KSR1: variants seen among roughly 807,000 people sequenced by gnomAD.
KSR1 encodes kinase suppressor of ras.
In KSR1, 35 loss-of-function variants were observed where a neutral mutation model predicts 92.9. That is an observed-to-expected ratio of 0.38 (90% confidence interval 0.29 to 0.50). The LOEUF (loss-of-function observed/expected upper bound fraction) is 0.50. KSR1 is among the 20% of genes least tolerant of loss of function. The pLI is 0.94. For missense variants in KSR1, 972 were observed against 1,158.5 expected (o/e 0.84, Z 2.34); for synonymous variants, 467 against 472.6 (o/e 0.99, Z 0.15).
At chr17:27,622,038 G>A in intron 20 of KSR1, 1 of 1,047,364 alleles carries the variant, frequency 9.5e-7, no homozygotes, top group South Asian at 1.3e-5. Context: ...CACTAACCCA[G>A]GGGATGCCAC....
chr17:27,606,667 C>T lies in KSR1; in HGVS notation c.1994+854C>T, dbSNP rs1426519920. ...TCACTTCCTGTGGTGTAAATACTCT[C>T]ACCATGGTCAATTTCAGACTACCAA... On this transcript the variant is annotated intron_variant, in intron 14 of 20. Transcript: ENST00000644974. Among the ~76,000 whole-genome samples the T allele has an allele frequency of 2.0e-5, 3 of 152,012 alleles. No individual in the cohort carries two copies. In the East Asian group the frequency reaches 5.8e-4, roughly 29 times the overall value.
At chr17:27,466,880 C>T (rs537556224) in intron 1 of KSR1, among the ~76,000 whole-genome samples, 9 of 152,314 alleles carry the variant, frequency 5.9e-5, no homozygotes, top group South Asian at 4.1e-4. Context: ...GGTTCCACCC[C>T]GTTTCATTTT....
intron 1 of KSR1, among the ~76,000 whole-genome samples, chr17:27,488,602 CAGG>C (rs1367749826): frequency 6.6e-6 from 1 of 152,162 alleles, no homozygotes. Context: ...GAGGCCAAGA[CAGG>C]AGGATTGCTT....
chr17:27,599,514 A>G (rs4795786), intron 10 of KSR1, among the ~76,000 whole-genome samples: 22,741 of 152,162 alleles, frequency 0.15, 1,880 homozygotes, highest in Admixed American at 0.23. Context: ...CTGAGATTGC[A>G]CCACTGCACT....
intron 3 of KSR1, among the ~76,000 whole-genome samples, chr17:27,581,142 T>A (rs1037629455): frequency 1.3e-5 from 2 of 151,076 alleles, no homozygotes; most frequent in African/African-American, 4.9e-5. Flanking sequence ...CAAGGGGGAG[T>A]GAGGCGTCCC....
At chr17:27,466,772 G>A (rs1411112681) in intron 1 of KSR1, among the ~76,000 whole-genome samples, 1 of 152,244 alleles carries the variant, frequency 6.6e-6, no homozygotes, top group African/African-American at 2.4e-5. Context: ...GCTCTTTCTG[G>A]CCTCTTGGCC....
At chr17:27,476,346 T>A (rs564938407) in intron 1 of KSR1, among the ~76,000 whole-genome samples, 3 of 152,172 alleles carry the variant, frequency 2.0e-5, no homozygotes, top group African/African-American at 7.2e-5. Flanking sequence ...GTTTCCAGAG[T>A]TGCCACCCCC....
intron 1 of KSR1, among the ~76,000 whole-genome samples, chr17:27,508,766 G>T (rs1001365488): frequency 6.6e-6 from 1 of 150,886 alleles, no homozygotes; most frequent in South Asian, 2.1e-4. Flanking sequence ...GTCTTGCTCT[G>T]TTGCCCAGGC....
At chr17:27,526,514 T>C in intron 1 of KSR1, 1 of 1,604,864 alleles carries the variant, frequency 6.2e-7, no homozygotes, top group South Asian at 1.1e-5. Flanking sequence ...GTTCCTCCTC[T>C]GCCATCTCAC....
In KSR1 at chr17:27,605,662, G is replaced by A. The variant is rs201790077; in HGVS notation, c.1843G>A (p.Ala615Thr). 2.5e-5 allele frequency: 40 copies of A among 1,612,124 alleles called. 1 individual carries two copies. The African/African-American group carries it at 5.2e-4, about 21-fold the overall frequency. The change falls in exon 14 of 21, where the codon GCC becomes ACC. Residue 615 changes from alanine to threonine, a missense_variant. Ala to Thr is a moderately conservative substitution (Grantham distance 58). Coordinates refer to ENST00000644974, the MANE Select transcript of KSR1 (RefSeq NM_001394583.1). ...CCGCGGCCGCTGGCATGGCGAGGTGGCCATTCGCCTGCTGGAGATGGACGG... is the reference window on the plus strand; with the variant it reads ...CCGCGGCCGCTGGCATGGCGAGGTGACCATTCGCCTGCTGGAGATGGACGG... The part of the protein sequence containing the change: ...VHRGRWHGEV[A>T]IRLLEMDGHN...
intron 1 of KSR1, among the ~76,000 whole-genome samples, chr17:27,520,844 C>T (rs1020467775): frequency 2.0e-5 from 3 of 152,262 alleles, no homozygotes; most frequent in African/African-American, 7.2e-5. Context: ...CCAAAAGGGG[C>T]TGAAAGCAGG....
intron 9 of KSR1, among the ~76,000 whole-genome samples, chr17:27,595,776 C>A (rs1211578662): frequency 6.6e-6 from 1 of 151,966 alleles, no homozygotes; most frequent in African/African-American, 2.4e-5. Flanking sequence ...TTTGCTCCCA[C>A]AGGCTCTTGC....
chr17:27,472,143 C>G (rs1323143141), intron 1 of KSR1: 1 of 152,466 alleles, frequency 6.6e-6, no homozygotes, highest in Non-Finnish European at 1.5e-5. Context: ...GGGAAACCCC[C>G]TTCTTACTGA....
chr17:27,557,190 A>G (rs2071632425), intron 2 of KSR1, among the ~76,000 whole-genome samples: 3 of 152,226 alleles, frequency 2.0e-5, no homozygotes. Flanking sequence ...TATTAGAGCT[A>G]GACCCCTCTC....
intron 1 of KSR1, among the ~76,000 whole-genome samples, chr17:27,543,590 A>G (rs941317306): frequency 6.6e-6 from 1 of 152,184 alleles, no homozygotes; most frequent in Non-Finnish European, 1.5e-5. Context: ...CCTCACCACC[A>G]TCCAAGTGAT....
At chr17:27,569,462 C>T (rs905017646) in intron 2 of KSR1, among the ~76,000 whole-genome samples, 1 of 152,204 alleles carries the variant, frequency 6.6e-6, no homozygotes, top group African/African-American at 2.4e-5. Flanking sequence ...GGAGCCAGGC[C>T]CAGGGCCACC....
chr17:27,571,477 T>TCC (rs1251584813), intron 2 of KSR1, among the ~76,000 whole-genome samples: 1 of 152,176 alleles, frequency 6.6e-6, no homozygotes, highest in Non-Finnish European at 1.5e-5. Flanking sequence ...TCTCTCTCTC[T>TCC]CCTTCCAGCC....
At position 27,540,700 on chromosome 17, in the gene KSR1, T is replaced by C. The variant is rs2070932072; in HGVS notation, c.232-9868T>C. On this transcript the variant is annotated intron_variant, in intron 1 of 20. Coordinates refer to ENST00000644974, the MANE Select transcript of KSR1 (RefSeq NM_001394583.1). ...TGTGTGCCTCTCCTGCTCTGTCCCA[T>C]GCCCATGAATGTCAGCCCCCGTGGG... 3.3e-5 allele frequency among the ~76,000 whole-genome samples: 5 copies of C among 152,228 alleles called. No individual in the cohort carries two copies. In the South Asian group the frequency reaches 1.0e-3, roughly 31 times the overall value.
intron 2 of KSR1, among the ~76,000 whole-genome samples, chr17:27,566,141 T>C (rs1419476623): frequency 6.6e-6 from 1 of 152,118 alleles, no homozygotes; most frequent in Non-Finnish European, 1.5e-5. Flanking sequence ...GTGTTCTTAT[T>C]GACTCAGGTC....
Sources: gnomAD v4.1 joint callset for allele counts (sites outside exome capture counted in the v4.1 genomes callset) on GRCh38, gnomAD v4.1.1 for gene constraint, MANE v1.5 for transcripts, NCBI Gene and HGNC (gene_info 2026-07-23, HGNC 2026-07-21) for gene names.